EPHA7: variants seen among roughly 807,000 people sequenced by gnomAD.
EPHA7 encodes ephrin type-A receptor 7.
A neutral mutation model predicts 112.6 loss-of-function variants in EPHA7; 25 were observed. The ratio of observed to expected loss-of-function variants is 0.22; its 90% CI spans 0.16 to 0.31. The LOEUF is 0.31. Ranked by LOEUF, EPHA7 falls within the 10% of genes least tolerant of loss-of-function variation. The pLI is 1.00. For missense variants in EPHA7, 962 were observed against 1,212.6 expected (o/e 0.79, Z 3.07); for synonymous variants, 437 against 406.5 (o/e 1.07, Z -0.90).
intron 5 of EPHA7, among the ~76,000 whole-genome samples, chr6:93,283,983 T>C (rs1771924002): frequency 6.6e-6 from 1 of 152,230 alleles, no homozygotes; most frequent in Admixed American, 6.5e-5. Flanking sequence ...TAAAGTGATA[T>C]TCATTTAAGC....
intron 5 of EPHA7, among the ~76,000 whole-genome samples, chr6:93,342,790 A>G (rs1775207112): frequency 8.2e-6 from 1 of 122,376 alleles, no homozygotes; most frequent in Admixed American, 7.2e-5. Flanking sequence ...TAAGAGAAGA[A>G]AGATGAAACA....
chr6:93,258,233 T>C lies in EPHA7; in HGVS notation c.1976A>G (p.Asp659Gly). 2 of 1,612,486 alleles carry C rather than the reference T, an allele frequency of 1.2e-6. No homozygotes were observed. Among genetic ancestry groups the C allele is most frequent in the Non-Finnish European group, 1.7e-6 (2 of 1,179,200 alleles). The change falls in exon 11 of 17, where the codon GAT (aspartate) becomes GGT (glycine). Residue 659 changes from aspartate to glycine, a missense_variant. By Grantham distance (94) the Asp-to-Gly change is moderately conservative (BLOSUM62 -1). This residue lies in a region of EPHA7 where 746 missense variants were observed against 889.2 expected (regional missense o/e 0.84). Transcript: ENST00000369303. ...CAGGGTTTTTATGGCTACTGCAACA[T>C]CTCTTTTCCCTGGAAGTTTCAAACG... ...SGRLKLPGKR[D>G]VAVAIKTLKV... is the part of the protein sequence containing the mutation.
At chr6:93,295,110 G>A (rs190948199) in intron 5 of EPHA7, among the ~76,000 whole-genome samples, 49 of 151,904 alleles carry the variant, frequency 3.2e-4, no homozygotes, top group African/African-American at 1.2e-3. Flanking sequence ...AGGGAGAATG[G>A]GGAGAGAGAG....
Position 93,335,665 on chromosome 6 carries a change from A to T in EPHA7, c.1324+21052T>A, listed in dbSNP as rs533736466. On this transcript the variant is annotated intron_variant, in intron 5 of 16. Transcript: ENST00000369303. Reference sequence around the variant, plus strand: ...CATCCACAGTTTTCATTTTTTTTTTAAATTTTTAATCCCATTCCTATCTAT... The same window carrying T: ...CATCCACAGTTTTCATTTTTTTTTTTAATTTTTAATCCCATTCCTATCTAT... Among the ~76,000 whole-genome samples, 219 of 151,862 alleles carry T rather than the reference A, an allele frequency of 1.4e-3. 2 individuals carry two copies. Among genetic ancestry groups the T allele is most frequent in the African/African-American group, 5.0e-3 (206 of 41,456 alleles).
intron 3 of EPHA7, among the ~76,000 whole-genome samples, chr6:93,394,901 AT>A (rs1778091597): frequency 6.6e-6 from 1 of 151,810 alleles, no homozygotes; most frequent in Non-Finnish European, 1.5e-5. Context: ...AAATTATTTA[AT>A]TTTTATCACT....
intron 5 of EPHA7, among the ~76,000 whole-genome samples, chr6:93,323,913 TC>T (rs1195155315): frequency 6.6e-6 from 1 of 151,480 alleles, no homozygotes; most frequent in Admixed American, 6.6e-5. Context: ...AATATTAAAA[TC>T]TTAACTCCAG....
chr6:93,357,137 G>A, intron 4 of EPHA7, 85 bp from the exon 5 acceptor site: 2 of 1,075,872 alleles, frequency 1.9e-6, no homozygotes, highest in Non-Finnish European at 2.6e-6. Context: ...ATCTGTGTGG[G>A]GCATTAAGCT....
At chr6:93,265,543 G>C (rs1770892368) in intron 7 of EPHA7, among the ~76,000 whole-genome samples, 1 of 151,522 alleles carries the variant, frequency 6.6e-6, no homozygotes, top group Non-Finnish European at 1.5e-5. Flanking sequence ...CCAAACTAGT[G>C]AAGTTTTATT....
At chr6:93,314,889 G>A (rs1773721177) in intron 5 of EPHA7, among the ~76,000 whole-genome samples, 1 of 123,440 alleles carries the variant, frequency 8.1e-6, no homozygotes, top group Non-Finnish European at 1.6e-5. Context: ...TTGAGACGGA[G>A]TCTCGCTCTG....
chr6:93,401,329 G>A (rs1002037176), intron 3 of EPHA7, among the ~76,000 whole-genome samples: 3 of 151,846 alleles, frequency 2.0e-5, no homozygotes, highest in African/African-American at 4.8e-5. Flanking sequence ...GTCATTCATC[G>A]ACGCTAAACA....
chr6:93,369,701 G>A (rs906704587), intron 3 of EPHA7, among the ~76,000 whole-genome samples: 1 of 152,080 alleles, frequency 6.6e-6, no homozygotes. Context: ...AAACCCTCAA[G>A]TTCAGGGATT....
chr6:93,404,990 T>A (rs1031249838), intron 3 of EPHA7, among the ~76,000 whole-genome samples: 1 of 151,882 alleles, frequency 6.6e-6, no homozygotes, highest in Admixed American at 6.6e-5. Context: ...ATTTTGGAGA[T>A]ACAATTCAAG....
At chr6:93,376,060 TAATC>T (rs1251629346) in intron 3 of EPHA7, among the ~76,000 whole-genome samples, 4 of 152,046 alleles carry the variant, frequency 2.6e-5, no homozygotes, top group Admixed American at 6.6e-5. Flanking sequence ...AGTCTGAAAA[TAATC>T]AAGAGAGGAA....
intron 5 of EPHA7, among the ~76,000 whole-genome samples, chr6:93,284,777 G>C (rs572200868): frequency 4.7e-5 from 7 of 148,564 alleles, no homozygotes; most frequent in African/African-American, 1.7e-4. Flanking sequence ...GTTCTCACTC[G>C]TAAGTGGGAG....
intron 2 of EPHA7, among the ~76,000 whole-genome samples, chr6:93,413,016 A>G (rs1359066321): frequency 1.3e-5 from 2 of 152,026 alleles, no homozygotes; most frequent in Admixed American, 1.3e-4. Flanking sequence ...AGACTACATA[A>G]ATTCATTTAA....
At chr6:93,338,373 A>G (rs1247448506) in intron 5 of EPHA7, among the ~76,000 whole-genome samples, 44 of 152,064 alleles carry the variant, frequency 2.9e-4, no homozygotes, top group Admixed American at 2.9e-3. Flanking sequence ...CCAATCAAAT[A>G]TATTAAATAA....
At chr6:93,302,918 C>A (rs1197499499) in intron 5 of EPHA7, among the ~76,000 whole-genome samples, 1 of 152,036 alleles carries the variant, frequency 6.6e-6, no homozygotes, top group Non-Finnish European at 1.5e-5. Flanking sequence ...CAAGCTCTAG[C>A]CAGTTCTTAA....
chr6:93,265,871 T>G (rs985295501), intron 7 of EPHA7, among the ~76,000 whole-genome samples: 2 of 151,618 alleles, frequency 1.3e-5, no homozygotes, highest in African/African-American at 4.8e-5. Flanking sequence ...AAGTATAAAG[T>G]TTTTTTCAGA....
At chr6:93,249,989 T>G (rs1770133001) in intron 14 of EPHA7, among the ~76,000 whole-genome samples, 1 of 152,200 alleles carries the variant, frequency 6.6e-6, no homozygotes, top group Non-Finnish European at 1.5e-5. Flanking sequence ...ATGATTCCTT[T>G]TGTTATTGTA....
Sources: gnomAD v4.1 joint callset for allele counts (sites outside exome capture counted in the v4.1 genomes callset) on GRCh38, gnomAD v4.1.1 for gene constraint, gnomAD v4.1.1 regional missense constraint, MANE v1.5 for transcripts, NCBI Gene and HGNC (gene_info 2026-07-23, HGNC 2026-07-21) for gene names.